TPTE2: variants seen among roughly 807,000 people sequenced by gnomAD.
TPTE2 encodes the protein transmembrane phosphoinositide 3-phosphatase and tensin homolog 2.
A neutral mutation model predicts 78.6 loss-of-function variants in TPTE2; 53 were observed. The ratio of observed to expected loss-of-function variants is 0.67; its 90% CI spans 0.54 to 0.85. TPTE2 has a LOEUF of 0.85. Among genes scored for constraint, TPTE2 ranks in the 40% least tolerant of loss-of-function variants. The pLI is 0.00. For missense variants in TPTE2, 461 were observed against 623.0 expected (o/e 0.74, Z 2.77); for synonymous variants, 175 against 206.2 (o/e 0.85, Z 1.30).
intron 13 of TPTE2, among the ~76,000 whole-genome samples, chr13:19,439,286 G>A (rs1261504551): frequency 6.6e-6 from 1 of 152,014 alleles, no homozygotes; most frequent in Non-Finnish European, 1.5e-5. Flanking sequence ...CCATCTACTG[G>A]CTCATAGGTC....
At chr13:19,482,535 T>A in exon 4 of TPTE2, 13 of 1,612,836 alleles carry the variant, frequency 8.1e-6, no homozygotes, top group Non-Finnish European at 1.1e-5. Flanking sequence ...ACTTGGAAAG[T>A]CGTTCTAACA....
At chr13:19,527,045 C>T (rs1261947864) in intron 1 of TPTE2, among the ~76,000 whole-genome samples, 2 of 152,106 alleles carry the variant, frequency 1.3e-5, no homozygotes, top group Non-Finnish European at 2.9e-5. Context: ...GTGGCTCATG[C>T]CTGTAATCCC....
the TPTE2 span, among the ~76,000 whole-genome samples, chr13:19,542,942 G>A: frequency 6.6e-6 from 1 of 151,494 alleles, no homozygotes; most frequent in Non-Finnish European, 1.5e-5. Flanking sequence ...AGTGAGCTAT[G>A]TGCCAGTGTA....
In TPTE2 at chr13:19,429,913, C is replaced by T. The variant is rs543663550; in HGVS notation, c.1302+555G>A. On this transcript the variant is annotated intron_variant, in intron 17 of 19. Coordinates refer to ENST00000400230, the Ensembl canonical transcript of TPTE2. ...AGAGGTTCCTCCCCAGTTCATTCAC[C>T]CTTGCGTTGTTTCTCACAGGGTCAT... Among the ~76,000 whole-genome samples the T allele has an allele frequency of 7.1e-4, 108 of 152,246 alleles. 1 individual carries two copies. Among genetic ancestry groups the T allele is most frequent in the African/African-American group, 2.3e-3 (96 of 41,524 alleles).
At chr13:19,432,441 C>A (rs756162760) in intron 16 of TPTE2, 32 bp downstream of exon 19, 115 of 1,109,520 alleles carry the variant, frequency 1.0e-4, no homozygotes, top group Non-Finnish European at 1.3e-4. Flanking sequence ...GGCCCTCCTG[C>A]CCAATTCTTC....
chr13:19,432,977 T>C (rs1275863077), intron 15 of TPTE2, among the ~76,000 whole-genome samples: 1 of 152,190 alleles, frequency 6.6e-6, no homozygotes, highest in Non-Finnish European at 1.5e-5. Context: ...ATGGTATAAG[T>C]GAAAACTCCA....
exon 17 of TPTE2, chr13:19,430,493 G>T: frequency 6.2e-7 from 1 of 1,610,790 alleles, no homozygotes; most frequent in Non-Finnish European, 8.5e-7. Flanking sequence ...TGAAGTACTG[G>T]AAAAGACAAC....
At chr13:19,470,326 G>A (rs188587911) in intron 6 of TPTE2, among the ~76,000 whole-genome samples, 12 of 152,088 alleles carry the variant, frequency 7.9e-5, no homozygotes, top group African/African-American at 1.4e-4. Context: ...ATAATGTATC[G>A]CATTGATTGA....
intron 1 of TPTE2, among the ~76,000 whole-genome samples, chr13:19,524,418 C>T (rs1410225259): frequency 6.6e-6 from 1 of 152,168 alleles, no homozygotes; most frequent in Non-Finnish European, 1.5e-5. Flanking sequence ...ATTGGTAGTA[C>T]TTCCAGAACC....
At chr13:19,463,415 A>G (rs1879064375) in intron 10 of TPTE2, among the ~76,000 whole-genome samples, 1 of 152,142 alleles carries the variant, frequency 6.6e-6, no homozygotes, top group Admixed American at 6.5e-5. Flanking sequence ...TGATTTGTCT[A>G]TCTGTATTCT....
upstream of TPTE2, among the ~76,000 whole-genome samples, chr13:19,507,087 A>G (rs1349603099): frequency 6.6e-6 from 1 of 152,084 alleles, no homozygotes; most frequent in Admixed American, 6.6e-5. Context: ...ATGAACATAC[A>G]CACACACAAC....
chr13:19,429,350 G>A (rs1236279999), intron 17 of TPTE2, among the ~76,000 whole-genome samples: 1 of 152,238 alleles, frequency 6.6e-6, no homozygotes, highest in East Asian at 1.9e-4. Flanking sequence ...AATCAACAGA[G>A]ATGGATGACT....
exon 20 of TPTE2, chr13:19,422,964 C>T (rs942062614): frequency 5.3e-5 from 79 of 1,476,760 alleles, no homozygotes; most frequent in Non-Finnish European, 7.0e-5. Flanking sequence ...ACTTAGGACA[C>T]ATGAACATGT....
the TPTE2 span, among the ~76,000 whole-genome samples, chr13:19,558,753 A>T: frequency 6.6e-6 from 1 of 152,240 alleles, no homozygotes; most frequent in Non-Finnish European, 1.5e-5. Flanking sequence ...ATCAGAAAAC[A>T]AGAATTAGCT....
intron 1 of TPTE2, among the ~76,000 whole-genome samples, chr13:19,513,612 A>C (rs982893677): frequency 1.3e-5 from 2 of 152,212 alleles, no homozygotes; most frequent in African/African-American, 4.8e-5. Flanking sequence ...ATTGCGCTAC[A>C]AATTACAATG....
At chr13:19,545,221 C>A in the TPTE2 span, among the ~76,000 whole-genome samples, 1 of 151,930 alleles carries the variant, frequency 6.6e-6, no homozygotes, top group Non-Finnish European at 1.5e-5. Flanking sequence ...AGACAAGAAA[C>A]AAAAAGGCTT....
At chr13:19,502,487 T>G (rs1407668878) in intron 1 of TPTE2, among the ~76,000 whole-genome samples, 1 of 151,244 alleles carries the variant, frequency 6.6e-6, no homozygotes, top group Non-Finnish European at 1.5e-5. Context: ...GATGAGTTCA[T>G]GTCCTTTGTA....
the TPTE2 span, among the ~76,000 whole-genome samples, chr13:19,554,930 C>T: frequency 3.3e-5 from 5 of 152,232 alleles, no homozygotes; most frequent in Non-Finnish European, 7.3e-5. Flanking sequence ...AATCACACCA[C>T]TAAAATAACT....
At chr13:19,494,506 T>G (rs1484352079) in intron 1 of TPTE2, among the ~76,000 whole-genome samples, 12 of 152,180 alleles carry the variant, frequency 7.9e-5, no homozygotes, top group Non-Finnish European at 1.8e-4. Flanking sequence ...TTCCCAAGGT[T>G]CAATCGATTC....
Sources: allele counts gnomAD v4.1 joint callset (sites outside exome capture counted in the v4.1 genomes callset), GRCh38; gene constraint gnomAD v4.1.1; transcripts MANE v1.5; gene names NCBI Gene and HGNC (gene_info 2026-07-23, HGNC 2026-07-21).